IQCM: variants seen among roughly 807,000 people sequenced by gnomAD.
IQCM encodes IQ motif containing M.
IQCM carries 45 observed loss-of-function variants against 57.6 expected under a neutral mutation model. The ratio of observed to expected loss-of-function variants is 0.78; its 90% CI spans 0.62 to 1.00. The LOEUF (loss-of-function observed/expected upper bound fraction) is 1.00. IQCM is among the 50% of genes least tolerant of loss of function. The pLI, the probability that IQCM is intolerant of heterozygous loss-of-function variation, is 0.00. For missense variants in IQCM, 468 were observed against 511.6 expected, an observed-to-expected ratio of 0.91 and a Z score of 0.82; for synonymous variants, 148 against 158.9, an observed-to-expected ratio of 0.93 and a Z score of 0.51.
intron 12 of IQCM, among the ~76,000 whole-genome samples, chr4:149,504,999 G>C (rs533540606): frequency 6.6e-6 from 1 of 152,210 alleles, no homozygotes; most frequent in African/African-American, 2.4e-5. Context: ...TCTGCTGGCA[G>C]CTTACCATAG....
intron 2 of IQCM, among the ~76,000 whole-genome samples, chr4:149,771,100 C>A (rs1770532013): frequency 6.6e-6 from 1 of 151,970 alleles, no homozygotes; most frequent in Non-Finnish European, 1.5e-5. Context: ...AAAATTACAG[C>A]AAGAATGTTT....
chr4:149,745,720 C>T (rs1767862201), intron 2 of IQCM, among the ~76,000 whole-genome samples: 1 of 152,064 alleles, frequency 6.6e-6, no homozygotes, highest in Non-Finnish European at 1.5e-5. Flanking sequence ...TACTAAAATC[C>T]CAGAACTTTG....
intron 8 of IQCM, among the ~76,000 whole-genome samples, chr4:149,595,250 C>T (rs1753653493): frequency 6.6e-6 from 1 of 152,050 alleles, no homozygotes; most frequent in East Asian, 1.9e-4. Flanking sequence ...GGTTTAAAGT[C>T]TGTTTTATCA....
chr4:149,506,349 G>A (rs1743812315), intron 12 of IQCM, among the ~76,000 whole-genome samples: 1 of 152,148 alleles, frequency 6.6e-6, no homozygotes. Context: ...ACAAGAATTT[G>A]GAAGAATACA....
Position 149,808,120 on chromosome 4 carries a change from A to G in IQCM, c.-49+7191T>C, listed in dbSNP as rs115749397. On this transcript the variant is annotated intron_variant, in intron 2 of 13. Transcript: ENST00000636793. ...ATATTTAAGAGATATCTGCAAGCCT[A>G]TGTTCATTGCACCACTATTCACAAT... Among the ~76,000 whole-genome samples the G allele has an allele frequency of 8.9e-3, 1,358 of 152,304 alleles. 16 individuals are homozygous for G. Among genetic ancestry groups the G allele is most frequent in the African/African-American group, 0.026 (1,098 of 41,580 alleles).
chr4:149,791,212 C>T (rs1187843560), intron 2 of IQCM, among the ~76,000 whole-genome samples: 1 of 151,932 alleles, frequency 6.6e-6, no homozygotes, highest in Non-Finnish European at 1.5e-5. Context: ...TGTTTATTTG[C>T]CAAATTTTAT....
intron 5 of IQCM, among the ~76,000 whole-genome samples, chr4:149,695,690 G>A (rs1371984204): frequency 6.6e-6 from 1 of 152,172 alleles, no homozygotes; most frequent in East Asian, 1.9e-4. Context: ...GGAGACATAA[G>A]AGAGGGCAAA....
At chr4:149,680,429 G>A (rs949781904) in intron 7 of IQCM, among the ~76,000 whole-genome samples, 3 of 151,194 alleles carry the variant, frequency 2.0e-5, no homozygotes, top group Non-Finnish European at 4.4e-5. Flanking sequence ...GTAAAAAATA[G>A]TATCTAGTAT....
intron 12 of IQCM, among the ~76,000 whole-genome samples, chr4:149,527,540 C>A (rs1234696124): frequency 6.6e-6 from 1 of 152,214 alleles, no homozygotes; most frequent in African/African-American, 2.4e-5. Context: ...TTGAACTTCC[C>A]AGTTTCCAGA....
At chr4:149,420,168 T>C (rs1290636900) in intron 13 of IQCM, among the ~76,000 whole-genome samples, 1 of 152,090 alleles carries the variant, frequency 6.6e-6, no homozygotes, top group East Asian at 1.9e-4. Flanking sequence ...ATATAAATCA[T>C]TCTATTATAA....
chr4:149,535,323 T>C (rs903340386), intron 12 of IQCM, among the ~76,000 whole-genome samples: 2 of 152,080 alleles, frequency 1.3e-5, no homozygotes, highest in African/African-American at 2.4e-5. Flanking sequence ...GAATTTACGA[T>C]ACAGTATTTT....
chr4:149,676,011 T>C (rs1266272679), intron 7 of IQCM, among the ~76,000 whole-genome samples: 1 of 152,062 alleles, frequency 6.6e-6, no homozygotes, highest in Non-Finnish European at 1.5e-5. Flanking sequence ...TTTTTTCTTT[T>C]GAAAAAGTCT....
intron 5 of IQCM, among the ~76,000 whole-genome samples, chr4:149,687,686 T>A (rs928502849): frequency 2.0e-5 from 3 of 151,880 alleles, no homozygotes; most frequent in Non-Finnish European, 4.4e-5. Context: ...TGAACATAGA[T>A]GCTAACATCC....
chr4:149,740,234 G>A (rs973837688), intron 3 of IQCM, among the ~76,000 whole-genome samples: 8 of 152,176 alleles, frequency 5.3e-5, no homozygotes, highest in Admixed American at 2.0e-4. Context: ...CCCTGTGTAT[G>A]TAATCAGAGT....
At chr4:149,486,029 C>CTCTCTCTCTCTCTCTCTCTT (rs1741456713) in intron 12 of IQCM, among the ~76,000 whole-genome samples, 4 of 136,132 alleles carry the variant, frequency 2.9e-5, no homozygotes, top group Admixed American at 2.8e-4. Flanking sequence ...CTCTCTCTCT[C>CTCTCTCTCTCTCTCTCTCTT]TCTCTCTCTC....
intron 13 of IQCM, among the ~76,000 whole-genome samples, chr4:149,384,876 C>A (rs1174523588): frequency 6.6e-6 from 1 of 151,754 alleles, no homozygotes; most frequent in African/African-American, 2.4e-5. Flanking sequence ...AAATAGAAAA[C>A]ATTAAGAATT....
intron 8 of IQCM, among the ~76,000 whole-genome samples, chr4:149,601,442 T>C (rs1427210975): frequency 2.0e-5 from 3 of 152,136 alleles, no homozygotes; most frequent in African/African-American, 7.2e-5. Flanking sequence ...AGGCTGTACA[T>C]GTTCAGTACA....
chr4:149,652,541 C>A (rs894135501), intron 7 of IQCM, among the ~76,000 whole-genome samples: 8 of 151,286 alleles, frequency 5.3e-5, no homozygotes, highest in Non-Finnish European at 1.0e-4. Flanking sequence ...ATTAAAAGAA[C>A]AAACCAACAA....
At chr4:149,718,182 T>C (rs1385659169) in intron 5 of IQCM, among the ~76,000 whole-genome samples, 1 of 152,222 alleles carries the variant, frequency 6.6e-6, no homozygotes, top group Admixed American at 6.5e-5. Context: ...ACTTCCACCA[T>C]AATAAAATAA....
Sources: gnomAD v4.1 joint callset for allele counts (sites outside exome capture counted in the v4.1 genomes callset) on GRCh38, gnomAD v4.1.1 for gene constraint, MANE v1.5 for transcripts, NCBI Gene and HGNC (gene_info 2026-07-23, HGNC 2026-07-21) for gene names.